Variants in SCAND3 observed in about 807,000 individuals in gnomAD.
SCAND3 encodes SCAN domain containing 3.
At chr6:28,575,229 T>A in the SCAND3 span, 1 of 1,614,036 alleles carries the variant, frequency 6.2e-7, no homozygotes, top group Non-Finnish European at 8.5e-7. This position sits in a 1 kb window ranked among gnomAD's most constrained non-coding sequence, Gnocchi z 4.2. Flanking sequence ...TCCAGTGTGA[T>A]GAGTTGTTAG....
the SCAND3 span, among the ~76,000 whole-genome samples, chr6:28,614,255 C>T: frequency 6.6e-6 from 1 of 151,510 alleles, no homozygotes. Flanking sequence ...TGAGCCACCG[C>T]GCCTGGCAAC....
the SCAND3 span, among the ~76,000 whole-genome samples, chr6:28,603,526 C>T: frequency 6.6e-6 from 1 of 152,204 alleles, no homozygotes; most frequent in Admixed American, 6.5e-5. Context: ...ATAGTTGTTT[C>T]TCTTTAACGT....
At chr6:28,575,134 C>A in the SCAND3 span, 2 of 1,614,094 alleles carry the variant, frequency 1.2e-6, no homozygotes, top group Non-Finnish European at 1.7e-6. The surrounding 1 kb of genome is among the most constrained non-coding windows in gnomAD (Gnocchi z 4.2). Flanking sequence ...AGCTTCAGAG[C>A]TAAATGCACT....
the SCAND3 span, chr6:28,590,926 T>C: frequency 1.3e-5 from 2 of 152,360 alleles, no homozygotes; most frequent in South Asian, 4.1e-4. Context: ...TTAGCTAGTG[T>C]GGCCCCACCT....
At chr6:28,580,328 C>T in the SCAND3 span, among the ~76,000 whole-genome samples, 1 of 152,030 alleles carries the variant, frequency 6.6e-6, no homozygotes, top group African/African-American at 2.4e-5. Flanking sequence ...GTGGTGCACG[C>T]CTGTAGTCCC....
chr6:28,595,380 G>A, the SCAND3 span, among the ~76,000 whole-genome samples: 2 of 146,506 alleles, frequency 1.4e-5, no homozygotes, highest in Non-Finnish European at 3.0e-5. Context: ...AGAAGAGGAC[G>A]AGGAGGAAGA....
chr6:28,575,710 G>A, the SCAND3 span: 19 of 1,613,942 alleles, frequency 1.2e-5, no homozygotes, highest in Non-Finnish European at 1.6e-5. The surrounding 1 kb of genome is among the most constrained non-coding windows in gnomAD (Gnocchi z 4.2). Context: ...CTTGTATTTC[G>A]CTTGTAACTC....
chr6:28,584,604 A>G, the SCAND3 span, among the ~76,000 whole-genome samples: 1 of 152,214 alleles, frequency 6.6e-6, no homozygotes, highest in African/African-American at 2.4e-5. Flanking sequence ...GTGTGTTTCT[A>G]GAGTACTTCC....
chr6:28,579,198 T>G, the SCAND3 span: 1 of 1,359,792 alleles, frequency 7.4e-7, no homozygotes, highest in Non-Finnish European at 1.0e-6. This position sits in a 1 kb window ranked among gnomAD's most constrained non-coding sequence, Gnocchi z 4.5. Flanking sequence ...TGGAATGAGG[T>G]TTGATAACTT....
At chr6:28,589,654 G>A in the SCAND3 span, 1 of 152,052 alleles carries the variant, frequency 6.6e-6, no homozygotes, top group East Asian at 1.9e-4. Context: ...TCACGGGTTT[G>A]GAGACAAAGA....
the SCAND3 span, among the ~76,000 whole-genome samples, chr6:28,578,890 A>C: frequency 6.6e-6 from 1 of 152,240 alleles, no homozygotes; most frequent in African/African-American, 2.4e-5. Context: ...ATTCTAAGGT[A>C]GAATTTCCAA....
the SCAND3 span, among the ~76,000 whole-genome samples, chr6:28,600,027 A>G: frequency 6.6e-6 from 1 of 152,202 alleles, no homozygotes; most frequent in Non-Finnish European, 1.5e-5. Flanking sequence ...ACAAAACTAT[A>G]GAATTTCTAG....
the SCAND3 span, among the ~76,000 whole-genome samples, chr6:28,598,563 T>G: frequency 5.3e-5 from 8 of 152,004 alleles, no homozygotes; most frequent in Admixed American, 5.2e-4. Flanking sequence ...ATTCAAACAA[T>G]TGTAGTTATT....
the SCAND3 span, chr6:28,586,903 C>A: frequency 3.4e-3 from 1,972 of 581,642 alleles, 8 homozygotes; most frequent in Middle Eastern, 0.015. The surrounding 1 kb of genome is among the most constrained non-coding windows in gnomAD (Gnocchi z 4.4). Context: ...GGCAGTTACT[C>A]GGGCAATTCC....
At chr6:28,578,609 AAAAT>A in the SCAND3 span, among the ~76,000 whole-genome samples, 1 of 152,350 alleles carries the variant, frequency 6.6e-6, no homozygotes, top group East Asian at 1.9e-4. Context: ...GCAGAGAAGG[AAAAT>A]AAATAAGAAT....
At chr6:28,603,582 C>T in the SCAND3 span, among the ~76,000 whole-genome samples, 77 of 152,246 alleles carry the variant, frequency 5.1e-4, no homozygotes, top group African/African-American at 1.7e-3. Flanking sequence ...AAAATTTTCT[C>T]TCCAATTTGG....
At chr6:28,586,625 G>T in the SCAND3 span, 2 of 1,614,044 alleles carry the variant, frequency 1.2e-6, no homozygotes, top group East Asian at 2.2e-5. The surrounding 1 kb of genome is among the most constrained non-coding windows in gnomAD (Gnocchi z 4.4). Flanking sequence ...CCCAAGTGTG[G>T]TCTTCTTCTT....
chr6:28,590,847 G>A, the SCAND3 span: 1 of 152,196 alleles, frequency 6.6e-6, no homozygotes, highest in African/African-American at 2.4e-5. Context: ...ATGTGTGCTT[G>A]ATTGTACTTC....
the SCAND3 span, among the ~76,000 whole-genome samples, chr6:28,597,342 A>G: frequency 6.6e-6 from 1 of 152,236 alleles, no homozygotes; most frequent in Non-Finnish European, 1.5e-5. Flanking sequence ...TCCAGAAACG[A>G]CGAGGATGGG....
Sources: allele counts gnomAD v4.1 joint callset (sites outside exome capture counted in the v4.1 genomes callset), GRCh38; gene constraint gnomAD v4.1.1; non-coding constraint Gnocchi (gnomAD v3.1); transcripts MANE v1.5; gene names NCBI Gene and HGNC (gene_info 2026-07-23, HGNC 2026-07-21).